The following SLC15A5 variants were observed in gnomAD, a reference collection of about 807,000 sequenced individuals.
SLC15A5 encodes solute carrier family 15 member 5.
A neutral mutation model predicts 56.1 loss-of-function variants in SLC15A5; 58 were observed. The ratio of observed to expected loss-of-function variants is 1.03; its 90% CI spans 0.84 to 1.29. The LOEUF is 1.29. Ranked by LOEUF, SLC15A5 falls within the 50% of genes most tolerant of loss-of-function variation. The pLI, the probability that SLC15A5 is intolerant of heterozygous loss-of-function variation, is 0.00. For missense variants in SLC15A5, 681 were observed against 672.1 expected, an observed-to-expected ratio of 1.01 and a Z score of -0.15; for synonymous variants, 264 against 250.5, an observed-to-expected ratio of 1.05 and a Z score of -0.51.
intron 7 of SLC15A5, among the ~76,000 whole-genome samples, chr12:16,212,094 G>A (rs78771675): frequency 0.026 from 3,888 of 152,142 alleles, 82 homozygotes; most frequent in Non-Finnish European, 0.041. Flanking sequence ...AAGGATGTAG[G>A]GTGCCTAAAT....
intron 8 of SLC15A5, among the ~76,000 whole-genome samples, chr12:16,191,869 A>T (rs1362038972): frequency 6.6e-6 from 1 of 152,066 alleles, no homozygotes; most frequent in Non-Finnish European, 1.5e-5. Context: ...CTGACATGTG[A>T]CATCCATTCT....
At chr12:16,245,947 GTCTTT>G (rs1338128299) in intron 3 of SLC15A5, among the ~76,000 whole-genome samples, 1 of 152,060 alleles carries the variant, frequency 6.6e-6, no homozygotes, top group African/African-American at 2.4e-5. Flanking sequence ...ATTTGATCTG[GTCTTT>G]TCTTCAAGAG....
At chr12:16,239,985 C>T in intron 4 of SLC15A5, 118 bp from the exon 5 acceptor site, 1 of 941,462 alleles carries the variant, frequency 1.1e-6, no homozygotes, top group Non-Finnish European at 1.5e-6. Context: ...CTGGATGTTG[C>T]CTAGTTTTTC....
At chr12:16,263,189 A>T (rs1591660203) in intron 2 of SLC15A5, among the ~76,000 whole-genome samples, 1 of 152,206 alleles carries the variant, frequency 6.6e-6, no homozygotes, top group Non-Finnish European at 1.5e-5. Flanking sequence ...CAAAATGCTA[A>T]TAATGACATG....
intron 7 of SLC15A5, among the ~76,000 whole-genome samples, chr12:16,204,608 A>T (rs1863996386): frequency 6.6e-6 from 1 of 152,030 alleles, no homozygotes; most frequent in South Asian, 2.1e-4. Context: ...GGAGAGTGAT[A>T]CTAAGCTAAA....
chr12:16,264,229 CT>C (rs1488390142), intron 2 of SLC15A5, among the ~76,000 whole-genome samples: 1 of 152,212 alleles, frequency 6.6e-6, no homozygotes, highest in African/African-American at 2.4e-5. Flanking sequence ...TTAGCATGAC[CT>C]AAATGTGAGA....
intron 7 of SLC15A5, among the ~76,000 whole-genome samples, chr12:16,215,819 A>G (rs1864126004): frequency 6.6e-6 from 1 of 152,222 alleles, no homozygotes; most frequent in Admixed American, 6.5e-5. Context: ...TGCTCTATCT[A>G]TCATTGGCTT....
intron 7 of SLC15A5, among the ~76,000 whole-genome samples, chr12:16,213,195 A>G (rs1223143909): frequency 6.6e-6 from 1 of 152,182 alleles, no homozygotes; most frequent in Non-Finnish European, 1.5e-5. Flanking sequence ...TCAAGGAATC[A>G]TGCAATATGA....
chr12:16,267,142 C>G (rs2136818933), intron 2 of SLC15A5, among the ~76,000 whole-genome samples: 1 of 152,224 alleles, frequency 6.6e-6, no homozygotes, highest in South Asian at 2.1e-4. Context: ...GAGACAGTAT[C>G]AAAGAAAGAA....
At chr12:16,247,456 A>C (rs1864473383) in intron 3 of SLC15A5, among the ~76,000 whole-genome samples, 1 of 152,070 alleles carries the variant, frequency 6.6e-6, no homozygotes, top group South Asian at 2.1e-4. Context: ...GTACCTACAA[A>C]CTCCTGATTC....
At chr12:16,200,540 A>G (rs2331817) in intron 7 of SLC15A5, among the ~76,000 whole-genome samples, 4 of 152,252 alleles carry the variant, frequency 2.6e-5, no homozygotes, top group East Asian at 1.9e-4. Context: ...AAAGATCACA[A>G]CATTGTTTAG....
At chr12:16,224,734 T>A in intron 5 of SLC15A5, 132 bp from the exon 6 acceptor site, 1 of 951,212 alleles carries the variant, frequency 1.1e-6, no homozygotes, top group Non-Finnish European at 1.5e-6. Context: ...TTTTTTTTAA[T>A]TTTTTTATTA....
chr12:16,223,280 G>T (rs113982646), intron 6 of SLC15A5, among the ~76,000 whole-genome samples: 1 of 152,144 alleles, frequency 6.6e-6, no homozygotes, highest in Non-Finnish European at 1.5e-5. Flanking sequence ...TTGATAGAAT[G>T]GGAGAGATAA....
At chr12:16,275,613 T>TAA (rs1182509494) in intron 1 of SLC15A5, among the ~76,000 whole-genome samples, 1 of 151,978 alleles carries the variant, frequency 6.6e-6, no homozygotes, top group East Asian at 1.9e-4. Flanking sequence ...TTCTTATATA[T>TAA]AACCTCTGAA....
chr12:16,191,614 C>T (rs758054266), intron 8 of SLC15A5, among the ~76,000 whole-genome samples: 14 of 152,076 alleles, frequency 9.2e-5, no homozygotes, highest in Non-Finnish European at 1.9e-4. Context: ...TCTTTGCATG[C>T]TTATTGTTCA....
intron 6 of SLC15A5, among the ~76,000 whole-genome samples, chr12:16,219,911 T>C (rs970115758): frequency 6.6e-6 from 1 of 152,152 alleles, no homozygotes; most frequent in East Asian, 1.9e-4. Flanking sequence ...CAATGAGCGC[T>C]AAAAATGTGC....
At chr12:16,264,363 T>C (rs774111340) in intron 2 of SLC15A5, among the ~76,000 whole-genome samples, 2 of 152,246 alleles carry the variant, frequency 1.3e-5, no homozygotes, top group Non-Finnish European at 2.9e-5. Flanking sequence ...ATGGCTGTAT[T>C]TACCCAATAC....
At chr12:16,252,450 G>A (rs1864528997) in intron 3 of SLC15A5, among the ~76,000 whole-genome samples, 2 of 152,008 alleles carry the variant, frequency 1.3e-5, no homozygotes, top group Non-Finnish European at 1.5e-5. Flanking sequence ...TAATAAAGGA[G>A]TTCAGCAGTT....
At chr12:16,224,347 T>A in intron 6 of SLC15A5, 67 bp downstream of exon 6, 1 of 1,414,870 alleles carries the variant, frequency 7.1e-7, no homozygotes, top group Non-Finnish European at 9.4e-7. Flanking sequence ...ATTGTTCTGG[T>A]TGAGGTGATG....
Sources: gnomAD v4.1 joint callset for allele counts (sites outside exome capture counted in the v4.1 genomes callset) on GRCh38, gnomAD v4.1.1 for gene constraint, MANE v1.5 for transcripts, NCBI Gene and HGNC (gene_info 2026-07-23, HGNC 2026-07-21) for gene names.